SCN2A: variants seen among roughly 807,000 people sequenced by gnomAD.
SCN2A encodes the protein sodium channel protein type 2 subunit alpha.
Under a neutral mutation model 188.7 loss-of-function variants are expected in SCN2A, and 20 were observed. That is an observed-to-expected ratio of 0.11 (90% CI 0.07 to 0.15). SCN2A has a LOEUF of 0.15. Among genes scored for constraint, SCN2A ranks in the 10% least tolerant of loss-of-function variants. The pLI is 1.00. For synonymous variants in SCN2A, 804 were observed against 833.1 expected (o/e 0.97, Z 0.60); for missense variants, 1,278 against 2,445.0 (o/e 0.52, Z 10.07).
At chr2:165,321,627 C>G (rs1045995978) in intron 11 of SCN2A, among the ~76,000 whole-genome samples, 3 of 152,044 alleles carry the variant, frequency 2.0e-5, no homozygotes, top group Non-Finnish European at 4.4e-5. Flanking sequence ...TGGTGTCAGG[C>G]AAAGAGAGAG....
intron 1 of SCN2A, among the ~76,000 whole-genome samples, chr2:165,265,839 A>G (rs1268814596): frequency 6.8e-6 from 1 of 147,408 alleles, no homozygotes; most frequent in African/African-American, 2.5e-5. Context: ...TTTTCTCTTA[A>G]TATATGGGGT....
chr2:165,248,169 T>C (rs1188500046), intron 1 of SCN2A, among the ~76,000 whole-genome samples: 1 of 152,094 alleles, frequency 6.6e-6, no homozygotes, highest in African/African-American at 2.4e-5. Context: ...TACTTCTCCT[T>C]ACAATCTATT....
chr2:165,302,291 A>G (rs1696856989), intron 3 of SCN2A, among the ~76,000 whole-genome samples: 1 of 152,224 alleles, frequency 6.6e-6, no homozygotes, highest in Non-Finnish European at 1.5e-5. Flanking sequence ...TTAACACTGT[A>G]TATGTGACAT....
intron 17 of SCN2A, among the ~76,000 whole-genome samples, chr2:165,356,063 A>G (rs911513448): frequency 2.6e-5 from 4 of 151,880 alleles, no homozygotes; most frequent in African/African-American, 9.7e-5. Context: ...TAAAATTACT[A>G]AAGAGTATGT....
chr2:165,256,770 G>A (rs1435725915), intron 1 of SCN2A, among the ~76,000 whole-genome samples: 2 of 151,860 alleles, frequency 1.3e-5, no homozygotes, highest in Non-Finnish European at 2.9e-5. Context: ...TTCTTATTTT[G>A]AACAATGGTA....
At chr2:165,275,070 A>T (rs765183043) in intron 1 of SCN2A, among the ~76,000 whole-genome samples, 19 of 152,218 alleles carry the variant, frequency 1.2e-4, no homozygotes, top group Non-Finnish European at 2.8e-4. Context: ...CCCCAGTGTC[A>T]CTGCTACCTG....
intron 16 of SCN2A, among the ~76,000 whole-genome samples, chr2:165,349,515 C>G (rs1484929697): frequency 6.6e-6 from 1 of 151,950 alleles, no homozygotes; most frequent in Non-Finnish European, 1.5e-5. Flanking sequence ...TATAAATGTG[C>G]AGAAAATTGA....
chr2:165,291,968 C>T (rs35428347), intron 1 of SCN2A, among the ~76,000 whole-genome samples: 45,636 of 151,774 alleles, frequency 0.3, 7,195 homozygotes, highest in Middle Eastern at 0.45. Flanking sequence ...TCTTTCTTCC[C>T]ACTGAATTGA....
At chr2:165,375,807 G>A (rs1488659951) in intron 22 of SCN2A, among the ~76,000 whole-genome samples, 1 of 151,504 alleles carries the variant, frequency 6.6e-6, no homozygotes, top group East Asian at 1.9e-4. Context: ...ATATATATGT[G>A]TGTGTATACA....
At chr2:165,296,222 A>C in intron 2 of SCN2A, 132 bp downstream of exon 2, 1 of 858,860 alleles carries the variant, frequency 1.2e-6, no homozygotes. Context: ...GATGGGCCTG[A>C]CCGTGTAATG....
intron 1 of SCN2A, among the ~76,000 whole-genome samples, chr2:165,256,800 AT>A (rs1168751521): frequency 6.6e-6 from 1 of 151,498 alleles, no homozygotes. Flanking sequence ...ATGTTTGGCG[AT>A]TTTTTTTCCT....
rs147612616 is a variant in SCN2A, at chr2:165,265,631, A to G, written c.-52+25991A>G. On this transcript the variant is annotated intron_variant, in intron 1 of 26. Transcript: ENST00000375437. ...AGCTTTTTTCCCACTATCAACCTCC[A>G]TAGTAAAACTATAGTTAGGCTTTCC... is the stretch of plus-strand genomic sequence containing the variant. Among the ~76,000 whole-genome samples, 478 of 149,928 alleles carry G rather than the reference A, an allele frequency of 3.2e-3. 2 individuals carry two copies. The highest frequency in any genetic ancestry group is 0.011 in the African/African-American group (439 of 41,002).
intron 1 of SCN2A, among the ~76,000 whole-genome samples, chr2:165,242,904 C>G (rs1000507687): frequency 2.6e-5 from 4 of 152,138 alleles, no homozygotes; most frequent in Admixed American, 6.5e-5. Flanking sequence ...AAATTAAATC[C>G]TTGTTTGTAA....
At chr2:165,365,767 A>AT (rs1475788714) in intron 18 of SCN2A, among the ~76,000 whole-genome samples, 1 of 152,186 alleles carries the variant, frequency 6.6e-6, no homozygotes. Context: ...AAGGTCAAAT[A>AT]TTTTTTATTA....
intron 1 of SCN2A, among the ~76,000 whole-genome samples, chr2:165,283,624 A>G (rs9287858): frequency 0.15 from 22,546 of 152,166 alleles, 1,863 homozygotes; most frequent in Middle Eastern, 0.21. Flanking sequence ...CTGGGTCACA[A>G]ATTTGTCTAA....
intron 25 of SCN2A, among the ~76,000 whole-genome samples, chr2:165,382,289 A>G (rs1398752218): frequency 6.6e-6 from 1 of 152,106 alleles, no homozygotes; most frequent in Non-Finnish European, 1.5e-5. Flanking sequence ...AGCAATACAA[A>G]TGCAATATAG....
At chr2:165,255,028 A>G (rs1048908855) in intron 1 of SCN2A, among the ~76,000 whole-genome samples, 1 of 151,892 alleles carries the variant, frequency 6.6e-6, no homozygotes, top group Non-Finnish European at 1.5e-5. Flanking sequence ...GCTTCTTTCA[A>G]ATAAACATCT....
At chr2:165,296,869 C>A in intron 2 of SCN2A, 148 bp from the exon 3 acceptor site, 2 of 484,632 alleles carry the variant, frequency 4.1e-6, no homozygotes, top group Non-Finnish European at 7.4e-6. Context: ...AAAAAAAAAG[C>A]ATCTATCTTC....
chr2:165,259,156 G>A (rs923612079), intron 1 of SCN2A, among the ~76,000 whole-genome samples: 7 of 152,126 alleles, frequency 4.6e-5, no homozygotes, highest in Admixed American at 6.5e-5. Flanking sequence ...ATCTGAAAAA[G>A]CAATGTACAT....
Sources: gnomAD v4.1 joint callset for allele counts (sites outside exome capture counted in the v4.1 genomes callset) on GRCh38, gnomAD v4.1.1 for gene constraint, MANE v1.5 for transcripts, NCBI Gene and HGNC (gene_info 2026-07-23, HGNC 2026-07-21) for gene names.